The following CSMD2 variants were observed in gnomAD, a reference collection of about 807,000 sequenced individuals.
CSMD2 encodes the protein CUB and sushi domain-containing protein 2.
Under a neutral mutation model 398.5 loss-of-function variants are expected in CSMD2, and 130 were observed. The observed-to-expected ratio is 0.33, with a 90% CI of 0.28 to 0.38. CSMD2 has a LOEUF of 0.38. Ranked by LOEUF, CSMD2 falls within the 10% of genes least tolerant of loss-of-function variation. The probability of loss-of-function intolerance (pLI) is 1.00; values close to 1 mark genes in which losing one functional copy is unlikely to be tolerated. For synonymous variants in CSMD2, 1,828 were observed against 1,908.5 expected (o/e 0.96, Z 1.10); for missense variants, 3,829 against 4,764.9 (o/e 0.80, Z 5.78).
At chr1:33,665,354 T>C (rs184930199) in intron 25 of CSMD2, among the ~76,000 whole-genome samples, 12 of 152,244 alleles carry the variant, frequency 7.9e-5, no homozygotes, top group Admixed American at 5.2e-4. Flanking sequence ...GGATGTCATG[T>C]TATGCTTGGG....
At chr1:34,142,734 A>C (rs1043497243) in intron 1 of CSMD2, among the ~76,000 whole-genome samples, 7 of 152,118 alleles carry the variant, frequency 4.6e-5, no homozygotes, top group Admixed American at 4.6e-4. Context: ...ACATGATTGA[A>C]CCTCGATCTG....
intron 14 of CSMD2, among the ~76,000 whole-genome samples, chr1:33,742,152 G>A (rs1339168070): frequency 2.0e-5 from 3 of 152,234 alleles, no homozygotes; most frequent in Non-Finnish European, 4.4e-5. Flanking sequence ...ATCCCCTGGA[G>A]GAGACATGCC....
chr1:33,601,229 C>T (rs58700862), intron 43 of CSMD2, among the ~76,000 whole-genome samples: 2,179 of 152,288 alleles, frequency 0.014, 57 homozygotes, highest in African/African-American at 0.049. Flanking sequence ...ACTGATTCCT[C>T]ATCCACCTGA....
intron 4 of CSMD2, among the ~76,000 whole-genome samples, chr1:33,922,552 T>C (rs1643980554): frequency 6.6e-6 from 1 of 152,142 alleles, no homozygotes; most frequent in Non-Finnish European, 1.5e-5. Context: ...CTTCCAGTCT[T>C]AGAAACCCAA....
In CSMD2 at chr1:34,164,175, G is replaced by A. The variant is rs1641635462; in HGVS notation, c.187+736C>T. Among the ~76,000 whole-genome samples, 1 of 152,174 alleles carries A rather than the reference G, an allele frequency of 6.6e-6. No homozygotes were observed. The highest frequency in any genetic ancestry group is 2.4e-5 in the African/African-American group (1 of 41,542). On this transcript the variant is annotated intron_variant, in intron 1 of 70. Coordinates refer to ENST00000373381, the MANE Select transcript of CSMD2 (RefSeq NM_001281956.2). This position sits in a 1 kb window ranked among gnomAD's most constrained non-coding sequence, Gnocchi z 6.2. The stretch of plus-strand genomic sequence containing the variant: ...GGAATGTGGCAGCGCGAAGCCTGGC[G>A]GCGGCACTCCCTCCCCCGCCTCGGG...
chr1:33,723,713 A>T (rs991730136), intron 19 of CSMD2, among the ~76,000 whole-genome samples: 2 of 152,198 alleles, frequency 1.3e-5, no homozygotes, highest in Non-Finnish European at 1.5e-5. Flanking sequence ...TGTGAAGAAG[A>T]GGGAGCAGGT....
chr1:34,076,504 C>G (rs866536794), intron 2 of CSMD2, among the ~76,000 whole-genome samples: 2 of 152,306 alleles, frequency 1.3e-5, no homozygotes, highest in Middle Eastern at 3.4e-3. Context: ...CAGCACCTCT[C>G]CACTTGCAGT....
At position 34,164,000 on chromosome 1, in the gene CSMD2, T is replaced by C. The variant is rs2148593020; in HGVS notation, c.187+911A>G. ...CCAGACACCCGCGAAGTTCCGGGAC[T>C]CTCCGCACCCGCTAGATCTGCCCCT... On this transcript the variant is annotated intron_variant, in intron 1 of 70. Transcript: ENST00000373381. The surrounding 1 kb of genome is among the most constrained non-coding windows in gnomAD (Gnocchi z 5.4). Among the ~76,000 whole-genome samples the C allele has an allele frequency of 6.6e-6, 1 of 152,136 alleles. No individual in the cohort carries two copies. Among genetic ancestry groups the C allele is most frequent in the Non-Finnish European group, 1.5e-5 (1 of 67,982 alleles).
Position 33,935,842 on chromosome 1 carries a change from G to T in CSMD2, c.630C>A (p.Phe210Leu), listed in dbSNP as rs1644463214. Reference sequence around the variant, plus strand: ...AGGTGAGCACGGCGTGGCCCTCCAGGAAGAAGCCAAGGTTGCAGCTGTAGC... The same window carrying T: ...AGGTGAGCACGGCGTGGCCCTCCAGTAAGAAGCCAAGGTTGCAGCTGTAGC... ...KVRYSCNLGF[F>L]LEGHAVLTCH... The change falls in exon 4 of 71, where the codon TTC becomes TTA. Residue 210 changes from phenylalanine to leucine, a missense_variant. Physicochemically the swap from Phe to Leu is conservative, Grantham distance 22. Coordinates refer to ENST00000373381, the MANE Select transcript of CSMD2 (RefSeq NM_001281956.2). The T allele has an allele frequency of 2.5e-6, 4 of 1,614,086 alleles. No homozygotes were observed. The African/African-American group carries it at 5.3e-5, about 22-fold the overall frequency.
intron 25 of CSMD2, among the ~76,000 whole-genome samples, chr1:33,685,559 C>T (rs572324382): frequency 2.6e-5 from 4 of 152,292 alleles, no homozygotes; most frequent in African/African-American, 7.2e-5. Flanking sequence ...CTTGTCTTGG[C>T]CTTCAGTGTG....
chr1:34,159,035 G>T (rs1254217613), intron 1 of CSMD2, among the ~76,000 whole-genome samples: 2 of 152,192 alleles, frequency 1.3e-5, no homozygotes, highest in Non-Finnish European at 2.9e-5. Context: ...CAACAGGGTG[G>T]TCTAAAGGAA....
At chr1:33,659,421 G>A (rs567462320) in intron 26 of CSMD2, among the ~76,000 whole-genome samples, 1 of 152,344 alleles carries the variant, frequency 6.6e-6, no homozygotes, top group Non-Finnish European at 1.5e-5. Flanking sequence ...CTCATAGCCT[G>A]TGCTCAGGGC....
At position 33,527,221 on chromosome 1, in the gene CSMD2, C is replaced by A. The variant is rs1182834683; in HGVS notation, c.10209G>T (p.Arg3403=). The change falls in exon 65 of 71, where the codon CGG becomes CGT. Residue 3403 remains arginine (R), a synonymous_variant. Transcript: ENST00000373381. ...TCAAGGCTTGGGTGAGCGGTGGCTC[C>A]CGGGCAGTGTTGATGGGTCTCCCAC... is the stretch of plus-strand genomic sequence containing the variant. ...RPSGRPINTA[R]EPPLTQALIP... 5 of 1,614,078 alleles carry A rather than the reference C, an allele frequency of 3.1e-6. No homozygotes were observed. The highest frequency in any genetic ancestry group is 4.2e-6 in the Non-Finnish European group (5 of 1,179,980).
intron 56 of CSMD2, 83 bp downstream of exon 56, chr1:33,550,094 C>T: frequency 6.4e-6 from 9 of 1,402,924 alleles, no homozygotes; most frequent in South Asian, 3.8e-5. Flanking sequence ...ATCCATCAAT[C>T]ACACTCACAC....
chr1:33,670,360 G>A lies in CSMD2; in HGVS notation c.4053-7268C>T, dbSNP rs893722256. ...TGTCTGACTGAATTGATGAATGAACGAATGGCTCACCAGCTTTCAGGGACC... is the reference window on the plus strand; with the variant it reads ...TGTCTGACTGAATTGATGAATGAACAAATGGCTCACCAGCTTTCAGGGACC... On this transcript the variant is annotated intron_variant, in intron 25 of 70. Transcript: ENST00000373381. Among the ~76,000 whole-genome samples, 17 of 152,268 alleles carry A rather than the reference G, an allele frequency of 1.1e-4. No individual in the cohort carries two copies. The South Asian group carries it at 1.7e-3, about 15-fold the overall frequency.
At chr1:33,592,619 C>T (rs1639539326) in intron 44 of CSMD2, 1 of 660,538 alleles carries the variant, frequency 1.5e-6, no homozygotes, top group Admixed American at 2.3e-5. Flanking sequence ...AAGTGGGCAT[C>T]TTTCTGCAAC....
intron 5 of CSMD2, among the ~76,000 whole-genome samples, chr1:33,849,717 C>T (rs973513672): frequency 1.3e-5 from 2 of 151,442 alleles, no homozygotes; most frequent in Non-Finnish European, 2.9e-5. Context: ...TTGCTTGAGC[C>T]TAGCAGTTGG....
intron 15 of CSMD2, among the ~76,000 whole-genome samples, chr1:33,732,939 A>G (rs1646768317): frequency 1.3e-5 from 2 of 152,176 alleles, no homozygotes; most frequent in Admixed American, 1.3e-4. Flanking sequence ...ACCTCATTTC[A>G]TAGCTGAGGG....
intron 5 of CSMD2, among the ~76,000 whole-genome samples, chr1:33,872,706 AG>A (rs1486281320): frequency 6.6e-6 from 1 of 152,238 alleles, no homozygotes; most frequent in Non-Finnish European, 1.5e-5. Flanking sequence ...TGGGACAGAA[AG>A]GAACAGAGAC....
Sources: allele counts gnomAD v4.1 joint callset (sites outside exome capture counted in the v4.1 genomes callset), GRCh38; gene constraint gnomAD v4.1.1; non-coding constraint Gnocchi (gnomAD v3.1); transcripts MANE v1.5; gene names NCBI Gene and HGNC (gene_info 2026-07-23, HGNC 2026-07-21).